The following PCDH15 variants were observed in gnomAD, a reference collection of about 807,000 sequenced individuals.
The protein encoded by PCDH15 is protocadherin-15.
In PCDH15, 129 loss-of-function variants were observed where a neutral mutation model predicts 178.5. The observed-to-expected ratio is 0.72, with a 90% CI of 0.63 to 0.84. PCDH15 has a LOEUF of 0.84. PCDH15 is among the 40% of genes least tolerant of loss of function. The pLI is 0.00. For synonymous variants in PCDH15, 800 were observed against 732.0 expected (o/e 1.09, Z -1.50); for missense variants, 2,230 against 2,099.9 (o/e 1.06, Z -1.21).
intron 2 of PCDH15, among the ~76,000 whole-genome samples, chr10:55,066,283 G>T (rs1368228726): frequency 1.3e-5 from 2 of 150,912 alleles, no homozygotes; most frequent in Admixed American, 6.6e-5. Flanking sequence ...TGGTTAATCA[G>T]TTCTACTTTT....
intron 3 of PCDH15, among the ~76,000 whole-genome samples, chr10:54,423,108 C>T (rs1242303537): frequency 1.3e-5 from 2 of 151,976 alleles, no homozygotes; most frequent in East Asian, 1.9e-4. Flanking sequence ...TTCTAAGTTT[C>T]TATAAAACTT....
intron 26 of PCDH15, among the ~76,000 whole-genome samples, chr10:53,891,089 C>T (rs1009931103): frequency 1.1e-4 from 9 of 81,796 alleles, no homozygotes; most frequent in African/African-American, 3.1e-4. Flanking sequence ...TCATTTTCCT[C>T]ATTTTTTCCC....
chr10:55,035,691 G>T (rs1840718157), intron 2 of PCDH15, among the ~76,000 whole-genome samples: 1 of 152,144 alleles, frequency 6.6e-6, no homozygotes, highest in African/African-American at 2.4e-5. Flanking sequence ...AGTAAATGAG[G>T]TATGGATAAT....
At chr10:55,265,912 A>G (rs1842279807) in intron 1 of PCDH15, among the ~76,000 whole-genome samples, 1 of 152,026 alleles carries the variant, frequency 6.6e-6, no homozygotes, top group South Asian at 2.1e-4. Context: ...AGTTTTGTAC[A>G]ATAGAGAAAT....
intron 1 of PCDH15, among the ~76,000 whole-genome samples, chr10:54,784,229 T>C (rs569655379): frequency 2.0e-5 from 3 of 151,778 alleles, no homozygotes; most frequent in Non-Finnish European, 4.4e-5. Flanking sequence ...CCTAACCATA[T>C]CTCCACTATA....
At position 53,805,096 on chromosome 10, in the gene PCDH15, C is replaced by T. The variant is rs1841068863; in HGVS notation, c.*1483G>A. 6.6e-6 allele frequency: 1 copy of T among 151,956 alleles called. No homozygotes were observed. Among genetic ancestry groups the T allele is most frequent in the Non-Finnish European group, 1.5e-5 (1 of 67,942 alleles). 9.4% of individuals were successfully genotyped at this position (151,956 alleles called of 1,614,324 possible). A position where few individuals can be genotyped will look rare whatever the true frequency, so the allele number is the denominator to read the frequency against. ...TCGGCAAGTTTATGTCAGTACAATT[C>T]ATTCACTTTGGAAATGAGGAAATAG... On this transcript the variant is annotated 3_prime_UTR_variant, in exon 38 of 38. Transcript: ENST00000644397.
At chr10:54,471,877 A>T (rs1360353167) in intron 3 of PCDH15, among the ~76,000 whole-genome samples, 2 of 152,162 alleles carry the variant, frequency 1.3e-5, no homozygotes, top group South Asian at 2.1e-4. Context: ...GTATATTTTT[A>T]AACATCTTTT....
At chr10:54,350,264 GTAT>G (rs1271684945) in intron 5 of PCDH15, among the ~76,000 whole-genome samples, 2 of 152,028 alleles carry the variant, frequency 1.3e-5, no homozygotes, top group African/African-American at 4.8e-5. Context: ...CACAAATATG[GTAT>G]TTACTGGCTG....
intron 3 of PCDH15, among the ~76,000 whole-genome samples, chr10:54,822,932 A>G (rs2133742224): frequency 6.6e-6 from 1 of 152,028 alleles, no homozygotes; most frequent in East Asian, 1.9e-4. Context: ...CCCAGGCTGG[A>G]GTGCAGTGGC....
chr10:54,944,942 C>T (rs1223230606), intron 2 of PCDH15, among the ~76,000 whole-genome samples: 1 of 151,696 alleles, frequency 6.6e-6, no homozygotes, highest in Non-Finnish European at 1.5e-5. Flanking sequence ...TTTGTATTTA[C>T]ACTGTAAGCA....
chr10:54,395,856 C>T (rs1589199411), intron 3 of PCDH15, among the ~76,000 whole-genome samples: 1 of 151,974 alleles, frequency 6.6e-6, no homozygotes, highest in East Asian at 1.9e-4. Context: ...TATAAATGTT[C>T]AATGTATTAT....
chr10:54,523,472 C>T, intron 3 of PCDH15, among the ~76,000 whole-genome samples: 1 of 151,978 alleles, frequency 6.6e-6, no homozygotes. Context: ...AATAAATGCT[C>T]ATTTTAGTAT....
At chr10:54,776,289 A>C (rs1360994570) in intron 1 of PCDH15, among the ~76,000 whole-genome samples, 1 of 152,208 alleles carries the variant, frequency 6.6e-6, no homozygotes, top group African/African-American at 2.4e-5. Context: ...ATAAATGGTC[A>C]ATAGTGAGAT....
chr10:54,739,808 G>A (rs1454215198), intron 1 of PCDH15, among the ~76,000 whole-genome samples: 6 of 152,008 alleles, frequency 3.9e-5, no homozygotes, highest in Non-Finnish European at 8.8e-5. Context: ...AATGAATGGT[G>A]CTGGGTAAAC....
intron 2 of PCDH15, among the ~76,000 whole-genome samples, chr10:54,559,063 C>T (rs1215344001): frequency 1.3e-5 from 2 of 151,958 alleles, no homozygotes; most frequent in African/African-American, 4.8e-5. Context: ...TGTGAAATCT[C>T]GGGGAAGACA....
At chr10:54,307,311 T>C (rs1378928216) in intron 8 of PCDH15, among the ~76,000 whole-genome samples, 1 of 150,038 alleles carries the variant, frequency 6.7e-6, no homozygotes, top group Non-Finnish European at 1.5e-5. Context: ...AGCCAATTAT[T>C]TTATAATTAA....
At chr10:54,710,611 C>A (rs2095419000) in intron 1 of PCDH15, among the ~76,000 whole-genome samples, 1 of 151,912 alleles carries the variant, frequency 6.6e-6, no homozygotes, top group Admixed American at 6.6e-5. Flanking sequence ...TCATTTTTAG[C>A]TTTTGCTCCC....
intron 9 of PCDH15, among the ~76,000 whole-genome samples, chr10:54,218,427 T>G (rs527891525): frequency 1.3e-5 from 2 of 152,170 alleles, no homozygotes; most frequent in African/African-American, 4.8e-5. Context: ...TATAGAGAGA[T>G]AGACCCTTTT....
At chr10:54,826,210 G>T (rs1006652560) in intron 3 of PCDH15, among the ~76,000 whole-genome samples, 1 of 151,760 alleles carries the variant, frequency 6.6e-6, no homozygotes, top group Admixed American at 6.6e-5. Flanking sequence ...TTTCTTATGA[G>T]GGAGTCAATA....
Sources: allele counts gnomAD v4.1 joint callset (sites outside exome capture counted in the v4.1 genomes callset), GRCh38; gene constraint gnomAD v4.1.1; transcripts MANE v1.5; gene names NCBI Gene and HGNC (gene_info 2026-07-23, HGNC 2026-07-21).